The following PCDH9 variants were observed in gnomAD, a reference collection of about 807,000 sequenced individuals.
PCDH9 encodes the protein protocadherin 9.
In PCDH9, 24 loss-of-function variants were observed where a neutral mutation model predicts 70.6. That is an observed-to-expected ratio of 0.34 (90% CI 0.25 to 0.48). The LOEUF (loss-of-function observed/expected upper bound fraction) is 0.48, where lower values mean the gene tolerates loss of function less well. PCDH9 is among the 20% of genes least tolerant of loss of function. The probability of loss-of-function intolerance (pLI) is 0.99; values close to 1 mark genes in which losing one functional copy is unlikely to be tolerated. For synonymous variants in PCDH9, 562 were observed against 558.5 expected (o/e 1.01, Z -0.09); for missense variants, 1,281 against 1,503.6 (o/e 0.85, Z 2.45).
intron 2 of PCDH9, among the ~76,000 whole-genome samples, chr13:66,963,126 T>C (rs2083375131): frequency 6.6e-6 from 1 of 152,110 alleles, no homozygotes; most frequent in Admixed American, 6.6e-5. Flanking sequence ...GCTGATCTGA[T>C]GGGAGGCAGA....
intron 2 of PCDH9, chr13:67,217,500 A>G (rs1219500649): frequency 2.0e-5 from 3 of 152,118 alleles, no homozygotes; most frequent in Non-Finnish European, 4.4e-5. Flanking sequence ...GGCTAGTCAA[A>G]GACATTAAGT....
At chr13:66,676,256 A>G (rs2078241141) in intron 3 of PCDH9, among the ~76,000 whole-genome samples, 2 of 152,142 alleles carry the variant, frequency 1.3e-5, no homozygotes. Flanking sequence ...ATAGTGAAAA[A>G]GTATTTGCCT....
intron 4 of PCDH9, among the ~76,000 whole-genome samples, chr13:66,463,009 T>C (rs1245487642): frequency 1.3e-5 from 2 of 151,858 alleles, no homozygotes; most frequent in Non-Finnish European, 2.9e-5. Context: ...TAAAATGCCA[T>C]ATGCATTGCA....
chr13:66,390,809 G>A (rs577485972), intron 4 of PCDH9, among the ~76,000 whole-genome samples: 1 of 152,130 alleles, frequency 6.6e-6, no homozygotes, highest in South Asian at 2.1e-4. Flanking sequence ...CACATGCTAG[G>A]AAATAGAATC....
At chr13:66,759,951 G>C (rs2079598118) in intron 3 of PCDH9, among the ~76,000 whole-genome samples, 1 of 152,030 alleles carries the variant, frequency 6.6e-6, no homozygotes, top group South Asian at 2.1e-4. Flanking sequence ...GTTGTTCTGT[G>C]CTCAGATGTT....
At chr13:66,890,246 T>G (rs2082073521) in intron 3 of PCDH9, among the ~76,000 whole-genome samples, 1 of 152,118 alleles carries the variant, frequency 6.6e-6, no homozygotes. Flanking sequence ...CTGACAATAA[T>G]GACATCTTTC....
chr13:66,432,793 A>G (rs1182332748), intron 4 of PCDH9, among the ~76,000 whole-genome samples: 5 of 152,066 alleles, frequency 3.3e-5, no homozygotes, highest in Non-Finnish European at 5.9e-5. Context: ...GATAACATGC[A>G]TAAAATGAGG....
chr13:66,545,351 T>C (rs1194174690), intron 4 of PCDH9, among the ~76,000 whole-genome samples: 2 of 152,158 alleles, frequency 1.3e-5, no homozygotes, highest in African/African-American at 4.8e-5. Context: ...ATTAAATAGA[T>C]TCAAAATAGA....
chr13:66,776,231 C>G (rs535377393), intron 3 of PCDH9, among the ~76,000 whole-genome samples: 1 of 151,076 alleles, frequency 6.6e-6, no homozygotes, highest in South Asian at 2.1e-4. Context: ...GACAGGGATG[C>G]CCTCTCTCAC....
At position 66,709,846 on chromosome 13, in the gene PCDH9, G is replaced by A. The variant is rs1000349372; in HGVS notation, c.3139-78435C>T. Reference sequence around the variant, plus strand: ...AGAGTATATACTTAACAGAGTCAGGGAGGATTCAAATTTGAGATCTCCCAT... The same window carrying A: ...AGAGTATATACTTAACAGAGTCAGGAAGGATTCAAATTTGAGATCTCCCAT... On this transcript the variant is annotated intron_variant, in intron 3 of 4. Transcript: ENST00000377865. Among the ~76,000 whole-genome samples, 11 of 152,248 alleles carry A rather than the reference G, an allele frequency of 7.2e-5. No homozygotes were observed. The East Asian group carries it at 2.1e-3, about 29-fold the overall frequency.
intron 4 of PCDH9, among the ~76,000 whole-genome samples, chr13:66,459,087 T>A (rs577061354): frequency 2.0e-5 from 3 of 152,106 alleles, no homozygotes; most frequent in Non-Finnish European, 4.4e-5. Context: ...AATAAGAACG[T>A]GTTCCACTGC....
rs184868227 is a variant in PCDH9, at chr13:66,970,364, C to T, written c.3037-66759G>A. Among the ~76,000 whole-genome samples the T allele has an allele frequency of 2.5e-4, 38 of 151,954 alleles. 1 individual carries two copies. The highest frequency in any genetic ancestry group is 2.5e-3 in the Admixed American group (38 of 15,210). ...GAGTTAAAGTCTGGGCATGGTGACTCAGGCTGGTAATCTCAGAACTCTGGG... is the reference window on the plus strand; with the variant it reads ...GAGTTAAAGTCTGGGCATGGTGACTTAGGCTGGTAATCTCAGAACTCTGGG... On this transcript the variant is annotated intron_variant, in intron 2 of 4. Coordinates refer to ENST00000377865, the MANE Select transcript of PCDH9 (RefSeq NM_203487.3).
intron 2 of PCDH9, among the ~76,000 whole-genome samples, chr13:66,944,571 G>T (rs1223637059): frequency 6.6e-6 from 1 of 151,970 alleles, no homozygotes; most frequent in Non-Finnish European, 1.5e-5. Flanking sequence ...AAGGGGATGT[G>T]GTCATGAAAA....
At chr13:67,078,084 G>T (rs2085913827) in intron 2 of PCDH9, among the ~76,000 whole-genome samples, 1 of 152,120 alleles carries the variant, frequency 6.6e-6, no homozygotes, top group Admixed American at 6.6e-5. Flanking sequence ...GCAGATGGCT[G>T]AGGTGTCCAT....
At chr13:66,396,848 C>T (rs745481169) in intron 4 of PCDH9, among the ~76,000 whole-genome samples, 2 of 151,924 alleles carry the variant, frequency 1.3e-5, no homozygotes, top group Non-Finnish European at 2.9e-5. Flanking sequence ...ATTTGGAAGT[C>T]AGAAAAGAGG....
chr13:66,967,748 C>A (rs2139739940), intron 2 of PCDH9, among the ~76,000 whole-genome samples: 1 of 152,078 alleles, frequency 6.6e-6, no homozygotes, highest in East Asian at 1.9e-4. Context: ...GTATTTTAAC[C>A]TGTTAAACTC....
intron 3 of PCDH9, among the ~76,000 whole-genome samples, chr13:66,865,488 A>G (rs188841076): frequency 8.5e-4 from 129 of 152,364 alleles, no homozygotes; most frequent in Non-Finnish European, 1.5e-3. Flanking sequence ...TGGAAAAATT[A>G]TATCTTTTGA....
At chr13:67,190,282 A>G (rs1299703088) in intron 2 of PCDH9, among the ~76,000 whole-genome samples, 1 of 152,010 alleles carries the variant, frequency 6.6e-6, no homozygotes, top group Admixed American at 6.6e-5. Flanking sequence ...AAAACATTAG[A>G]GACGCAGAAA....
Position 66,304,260 on chromosome 13 carries a change from CAAAAA to C in PCDH9, c.*390_*394del, listed in dbSNP as rs55837718. ...TAGCAGTCCCAGCACAAATCAATGACAAAAAAAAAAAAAAAAAAAAAAAAAAGCAC... is the reference window on the plus strand; with the variant it reads ...TAGCAGTCCCAGCACAAATCAATGACAAAAAAAAAAAAAAAAAAAAAGCAC... On this transcript the variant is annotated 3_prime_UTR_variant, in exon 5 of 5. Transcript: ENST00000377865. 1.7e-4 allele frequency: 11 copies of C among 65,512 alleles called. No individual in the cohort carries two copies. Among genetic ancestry groups the C allele is most frequent in the South Asian group, 1.3e-3 (2 of 1,556 alleles). The allele number at this position is 65,512 out of a possible 1,614,324, so 4.1% of individuals were successfully genotyped here.
Sources: allele counts gnomAD v4.1 joint callset (sites outside exome capture counted in the v4.1 genomes callset), GRCh38; gene constraint gnomAD v4.1.1; transcripts MANE v1.5; gene names NCBI Gene and HGNC (gene_info 2026-07-23, HGNC 2026-07-21).